The following ABCB4 variants were observed in gnomAD, a reference collection of about 807,000 sequenced individuals.
The protein encoded by ABCB4 is ATP binding cassette subfamily B member 4.
ABCB4 carries 76 observed loss-of-function variants against 145.7 expected under a neutral mutation model. That is an observed-to-expected ratio of 0.52 (90% CI 0.43 to 0.63). The LOEUF is 0.63. ABCB4 is among the 30% of genes least tolerant of loss of function. The probability of loss-of-function intolerance (pLI) is 0.00; values close to 1 mark genes in which losing one functional copy is unlikely to be tolerated. For synonymous variants in ABCB4, 517 were observed against 566.8 expected, an observed-to-expected ratio of 0.91 and a Z score of 1.25; for missense variants, 1,234 against 1,553.1, an observed-to-expected ratio of 0.79 and a Z score of 3.45.
chr7:87,418,727 C>T (rs962413363), intron 19 of ABCB4, 107 bp from the exon 20 acceptor site: 3 of 1,005,850 alleles, frequency 3.0e-6, no homozygotes, highest in Non-Finnish European at 4.6e-6. Context: ...GGGGAGACCT[C>T]ATATGCAGTG....
intron 3 of ABCB4, among the ~76,000 whole-genome samples, chr7:87,467,957 T>C (rs887381746): frequency 3.9e-5 from 6 of 152,084 alleles, no homozygotes; most frequent in African/African-American, 9.7e-5. Flanking sequence ...AGGTGTAAAA[T>C]TGACACCCTA....
At position 87,475,398 on chromosome 7, in the gene ABCB4, A is replaced by T. The variant is rs1813733939; in HGVS notation, c.68T>A (p.Leu23Gln). ...RPTSAEGDFE[L>Q]GISSKQKRKK... The stretch of plus-strand genomic sequence containing the variant: ...GCTGGGGATGTACCTGCTGATGCCC[A>T]GTTCAAAGTCGCCCTCCGCGCTCGT... The change falls in exon 2 of 28, where the codon CTG (leucine) becomes CAG (glutamine). Residue 23 changes from leucine (L) to glutamine (Q), a missense_variant. By Grantham distance (113) the Leu-to-Gln change is moderately radical. Transcript: ENST00000649586. 3 of 1,614,258 alleles carry T rather than the reference A, an allele frequency of 1.9e-6. No homozygotes were observed. In the African/African-American group the frequency reaches 4.0e-5, roughly 22 times the overall value.
chr7:87,391,300 G>A, the ABCB4 span, among the ~76,000 whole-genome samples: 1 of 152,214 alleles, frequency 6.6e-6, no homozygotes, highest in Non-Finnish European at 1.5e-5. Flanking sequence ...TCAAAAGTGA[G>A]GGGTTACAGC....
At chr7:87,375,949 C>T in the ABCB4 span, 1 of 1,579,022 alleles carries the variant, frequency 6.3e-7, no homozygotes, top group Non-Finnish European at 8.6e-7. Flanking sequence ...GAGGATTATT[C>T]TGAGGTACTT....
Position 87,406,401 on chromosome 7 carries a change from T to C in ABCB4, c.3373A>G (p.Ser1125Gly), listed in dbSNP as rs369310248. 1 of 1,613,954 alleles carries C rather than the reference T, an allele frequency of 6.2e-7. No homozygotes were observed. The highest frequency in any genetic ancestry group is 8.5e-7 in the Non-Finnish European group (1 of 1,180,020). ...CCATAGGCAATATTCTCGGCAATGC[T>C]GCAGTCAAATAGGATAGGCTCCTGA... ...VSQEPILFDCSIAENIAYGDN... is the reference protein window; with the variant it reads ...VSQEPILFDCGIAENIAYGDN... Residue 1125 changes from serine (S) to glycine (G), a missense_variant, in exon 26 of 28, where the codon AGC becomes GGC. Coordinates refer to ENST00000649586, the MANE Select transcript of ABCB4 (RefSeq NM_000443.4).
At chr7:87,420,698 A>G (rs1282636600) in intron 18 of ABCB4, among the ~76,000 whole-genome samples, 1 of 152,208 alleles carries the variant, frequency 6.6e-6, no homozygotes, top group Admixed American at 6.5e-5. Flanking sequence ...AGGACCAAAT[A>G]CGAATTCAAA....
In ABCB4 at chr7:87,439,676, A is replaced by C; in HGVS notation, c.1722T>G (p.Ala574=). The C allele has an allele frequency of 6.2e-7, 1 of 1,614,110 alleles. No homozygotes were observed. The change falls in exon 14 of 28, where the codon GCT becomes GCG. Residue 574 remains alanine (A), a synonymous_variant. Coordinates refer to ENST00000649586, the MANE Select transcript of ABCB4 (RefSeq NM_000443.4). ...TTTAGAGTCTACTGACCTTATCCAG[A>C]GCTGCCTGTACCTCAGCTTCACTTT... ...DTESEAEVQA[A]LDKAREGRTT...
intron 20 of ABCB4, 77 bp from the exon 21 acceptor site, chr7:87,417,592 GA>G: frequency 8.3e-7 from 1 of 1,199,846 alleles, no homozygotes; most frequent in Non-Finnish European, 1.2e-6. Context: ...CTCTTGGTCA[GA>G]ATGATGAGTG....
At chr7:87,434,299 G>A (rs560393697) in intron 14 of ABCB4, among the ~76,000 whole-genome samples, 34 of 152,020 alleles carry the variant, frequency 2.2e-4, no homozygotes, top group Admixed American at 1.7e-3. Context: ...GAGTGTGCAT[G>A]TAGGTATGAA....
rs745527980 is a variant in ABCB4 at position 87,417,394 on chromosome 7, A to G, written c.2600T>C (p.Ile867Thr). 1 of 1,614,126 alleles carries G rather than the reference A, an allele frequency of 6.2e-7. No individual in the cohort carries two copies. The highest frequency in any genetic ancestry group is 8.5e-7 in the Non-Finnish European group (1 of 1,179,996). The change falls in exon 21 of 28, where the codon ATT (isoleucine) becomes ACT (threonine). Residue 867 changes from isoleucine to threonine, a missense_variant. Transcript: ENST00000649586. ...CATTTCAACAATTCCTGACACAGCA[A>G]TAATTGGAACAACTGCTAATAGCAA... ...TLLLLAVVPI[I>T]AVSGIVEMKL...
chr7:87,376,097 G>A, the ABCB4 span: 1 of 687,290 alleles, frequency 1.5e-6, no homozygotes. Flanking sequence ...GTGCCAAATT[G>A]AAGCTTATAA....
In ABCB4 at chr7:87,423,077, G is replaced by A. The variant is rs45552340; in HGVS notation, c.2211+829C>T. Among the ~76,000 whole-genome samples the A allele has an allele frequency of 5.0e-3, 767 of 152,246 alleles. 6 individuals are homozygous for A. The highest frequency in any genetic ancestry group is 0.018 in the African/African-American group (732 of 41,542). On this transcript the variant is annotated intron_variant, in intron 17 of 27. Coordinates refer to ENST00000649586, the MANE Select transcript of ABCB4 (RefSeq NM_000443.4). ...TAATTTATTTATTTTTTGGCTTGTG[G>A]TCTTAATTGTGGATCGATGTCCAAC...
chr7:87,458,968 T>G (rs904561935), intron 4 of ABCB4, among the ~76,000 whole-genome samples: 5 of 149,588 alleles, frequency 3.3e-5, no homozygotes, highest in African/African-American at 1.3e-4. Context: ...GCCATTCAGT[T>G]TCATAATTAG....
the ABCB4 span, among the ~76,000 whole-genome samples, chr7:87,382,697 T>C: frequency 6.6e-6 from 1 of 152,196 alleles, no homozygotes; most frequent in Admixed American, 6.5e-5. Flanking sequence ...GAGTATTAGA[T>C]TTCTGATCTG....
the ABCB4 span, among the ~76,000 whole-genome samples, chr7:87,372,019 A>C: frequency 8.2e-3 from 1,237 of 151,184 alleles, 30 homozygotes; most frequent in African/African-American, 0.028. Flanking sequence ...AAAAAAAAAA[A>C]ACAAAAAAAA....
At chr7:87,416,131 A>C (rs1265084024) in intron 21 of ABCB4, among the ~76,000 whole-genome samples, 1 of 152,212 alleles carries the variant, frequency 6.6e-6, no homozygotes, top group Non-Finnish European at 1.5e-5. Context: ...TGCAGCGTGA[A>C]AATGAGGAGA....
At chr7:87,412,606 A>C (rs769297505) in intron 22 of ABCB4, among the ~76,000 whole-genome samples, 3 of 152,156 alleles carry the variant, frequency 2.0e-5, no homozygotes, top group African/African-American at 4.8e-5. Context: ...GCTATACTTT[A>C]TTGGCTTCTG....
chr7:87,459,309 TC>T (rs1244817447), intron 4 of ABCB4, among the ~76,000 whole-genome samples: 1 of 152,124 alleles, frequency 6.6e-6, no homozygotes, highest in Non-Finnish European at 1.5e-5. Context: ...CCACTGCTCC[TC>T]CCCACAACCC....
At chr7:87,420,124 T>G (rs371860621) in intron 18 of ABCB4, 49 bp from the exon 19 acceptor site, 1 of 1,548,204 alleles carries the variant, frequency 6.5e-7, no homozygotes, top group East Asian at 2.2e-5. Flanking sequence ...ATGTATGTAA[T>G]TGCACCAGAC....
Sources: allele counts gnomAD v4.1 joint callset (sites outside exome capture counted in the v4.1 genomes callset), GRCh38; gene constraint gnomAD v4.1.1; transcripts MANE v1.5; gene names NCBI Gene and HGNC (gene_info 2026-07-23, HGNC 2026-07-21).